Variants in ATG13 observed in about 807,000 individuals in gnomAD.
ATG13 encodes the protein autophagy-related protein 13.
Under a neutral mutation model 65.5 loss-of-function variants are expected in ATG13, and 23 were observed. The ratio of observed to expected loss-of-function variants is 0.35; its 90% confidence interval spans 0.25 to 0.50. The LOEUF is 0.50. Ranked by LOEUF, ATG13 falls within the 20% of genes least tolerant of loss-of-function variation. ATG13 has a pLI of 0.98. For synonymous variants in ATG13, 252 were observed against 245.2 expected (o/e 1.03, Z -0.26); for missense variants, 566 against 677.0 (o/e 0.84, Z 1.82).
At chr11:46,663,972 T>A in intron 11 of ATG13, 25 bp from the exon 12 acceptor site, 14 of 949,482 alleles carry the variant, frequency 1.5e-5, no homozygotes, top group Non-Finnish European at 1.9e-5. Flanking sequence ...TTGTTTCTCC[T>A]GTCTCTGTGT....
At chr11:46,649,067 T>G (rs1221894990) in intron 5 of ATG13, 70 bp from the exon 6 acceptor site, 32 of 1,365,390 alleles carry the variant, frequency 2.3e-5, no homozygotes, top group Non-Finnish European at 3.2e-5. Context: ...TTTAATATTT[T>G]TATAGTGACT....
In ATG13 at chr11:46,659,399, G is replaced by A; in HGVS notation, c.703G>A (p.Gly235Ser). Residue 235 changes from glycine to serine, a missense_variant, in exon 11 of 19, where the codon GGT (glycine) becomes AGT (serine). Coordinates refer to ENST00000683050, the MANE Select transcript of ATG13 (RefSeq NM_001346311.2). ...TCTTTCTTTTCACTTTAGAACTGCT[G>A]GTGAGGACACTGGAGTAATATACCC... The part of the protein sequence containing the change: ...PMHPCNYRTA[G>S]EDTGVIYPSV... 2 of 1,612,604 alleles carry A rather than the reference G, an allele frequency of 1.2e-6. No homozygotes were observed. The highest frequency in any genetic ancestry group is 1.7e-6 in the Non-Finnish European group (2 of 1,178,716).
intron 1 of ATG13, among the ~76,000 whole-genome samples, chr11:46,619,372 C>CTTTTTTTGTTTTTT (rs2046546096): frequency 2.8e-5 from 1 of 35,328 alleles, no homozygotes; most frequent in African/African-American, 1.3e-4. Context: ...AGATTTCTTG[C>CTTTTTTTGTTTTTT]TTTTTTTTTT....
In ATG13 at chr11:46,617,677, A is replaced by C; in HGVS notation, c.-283A>C. On this transcript the variant is annotated 5_prime_UTR_variant, in exon 1 of 19. Transcript: ENST00000683050. ...GGGAAGCACTGAAGAGCGCCAGTCGACGTGGGTGCGACAACTCGCGGAGTC... is the reference window on the plus strand; with the variant it reads ...GGGAAGCACTGAAGAGCGCCAGTCGCCGTGGGTGCGACAACTCGCGGAGTC... 2.5e-6 allele frequency: 1 copy of C among 393,452 alleles called. No homozygotes were observed. Among genetic ancestry groups the C allele is most frequent in the South Asian group, 1.4e-4 (1 of 6,990 alleles). 24.4% of individuals were successfully genotyped at this position (393,452 alleles called of 1,614,324 possible). A position where few individuals can be genotyped will look rare whatever the true frequency, so the allele number is the denominator to read the frequency against.
chr11:46,640,103 C>T (rs540374221), intron 2 of ATG13, among the ~76,000 whole-genome samples: 10 of 152,098 alleles, frequency 6.6e-5, no homozygotes, highest in African/African-American at 2.2e-4. Flanking sequence ...TCTTGGCCCC[C>T]CAAAGTACTG....
rs984042584 is a variant in ATG13, at chr11:46,668,664, T to C, written c.1329+88T>C. On this transcript the variant is annotated intron_variant, in intron 16 of 18. Transcript: ENST00000683050. ...CCAGAGTCACTAATCCCCCACAGACTATAAACCATGGCCCCTCGGCTTACG... is the reference window on the plus strand; with the variant it reads ...CCAGAGTCACTAATCCCCCACAGACCATAAACCATGGCCCCTCGGCTTACG... The C allele has an allele frequency of 1.1e-5, 17 of 1,523,510 alleles. No individual in the cohort carries two copies. The African/African-American group carries it at 2.3e-4, about 21-fold the overall frequency. 94.4% of individuals were successfully genotyped at this position (1,523,510 alleles called of 1,614,324 possible). A position where few individuals can be genotyped will look rare whatever the true frequency, so the allele number is the denominator to read the frequency against.
At chr11:46,645,288 C>G (rs571599311) in intron 3 of ATG13, 51 bp from the exon 4 acceptor site, 2 of 1,550,064 alleles carry the variant, frequency 1.3e-6, no homozygotes, top group Non-Finnish European at 1.8e-6. Flanking sequence ...CCAGATTAGT[C>G]TAAGACTTTT....
chr11:46,628,351 C>CGT (rs2050452015), intron 1 of ATG13, among the ~76,000 whole-genome samples: 1 of 151,956 alleles, frequency 6.6e-6, no homozygotes, highest in South Asian at 2.1e-4. Flanking sequence ...GCAGTGAGAT[C>CGT]GTGCCACTGC....
At chr11:46,652,081 T>C (rs1190126157) in intron 7 of ATG13, among the ~76,000 whole-genome samples, 1 of 152,008 alleles carries the variant, frequency 6.6e-6, no homozygotes, top group Non-Finnish European at 1.5e-5. Context: ...ACACTGTCTC[T>C]ACTAAAAATA....
chr11:46,626,497 G>T (rs971898068), intron 1 of ATG13, among the ~76,000 whole-genome samples: 1 of 152,216 alleles, frequency 6.6e-6, no homozygotes, highest in Non-Finnish European at 1.5e-5. Context: ...TGATCCGTCC[G>T]CCTCCGCCTC....
chr11:46,663,945 C>CT (rs953835564), intron 11 of ATG13, 52 bp from the exon 12 acceptor site: 44,941 of 760,872 alleles, frequency 0.059, 183 homozygotes, highest in East Asian at 0.064. Flanking sequence ...AGTCCCTTTT[C>CT]TTTTTTTTTT....
At chr11:46,665,662 A>G in intron 14 of ATG13, 143 bp downstream of exon 14, 1 of 1,203,406 alleles carries the variant, frequency 8.3e-7, no homozygotes. Context: ...ATGGACTCCT[A>G]GCTGGGAGTG....
intron 1 of ATG13, among the ~76,000 whole-genome samples, chr11:46,624,684 ATTG>A (rs1221181345): frequency 2.6e-5 from 4 of 152,202 alleles, no homozygotes; most frequent in Admixed American, 1.3e-4. Flanking sequence ...AGTTTCTTCA[ATTG>A]TTGTCCAGGC....
At chr11:46,643,941 G>A (rs1385425417) in intron 2 of ATG13, among the ~76,000 whole-genome samples, 1 of 152,186 alleles carries the variant, frequency 6.6e-6, no homozygotes. Context: ...ACTAATGTGT[G>A]TTCAGCAAAG....
chr11:46,619,642 C>T (rs1211209900), intron 1 of ATG13, among the ~76,000 whole-genome samples: 1 of 151,904 alleles, frequency 6.6e-6, no homozygotes, highest in East Asian at 1.9e-4. Flanking sequence ...CCCGCCTTGG[C>T]CTCCCAAAGT....
Position 46,673,328 on chromosome 11 carries a change from G to C in ATG13, c.*996G>C, listed in dbSNP as rs2134409532. ...AAGAAGAGGGCTGGCCGGGGGCAAAGTCACCTCCCAGTGTGGCTGCACTGG... is the reference window on the plus strand; with the variant it reads ...AAGAAGAGGGCTGGCCGGGGGCAAACTCACCTCCCAGTGTGGCTGCACTGG... On this transcript the variant is annotated 3_prime_UTR_variant, in exon 19 of 19. Coordinates refer to ENST00000683050, the MANE Select transcript of ATG13 (RefSeq NM_001346311.2). 1 of 152,984 alleles carries C rather than the reference G, an allele frequency of 6.5e-6. No homozygotes were observed. The highest frequency in any genetic ancestry group is 1.5e-5 in the Non-Finnish European group (1 of 68,512). 9.5% of individuals were successfully genotyped at this position (152,984 alleles called of 1,614,324 possible).
intron 12 of ATG13, 120 bp downstream of exon 12, chr11:46,664,215 A>G (rs1420825152): frequency 1.2e-6 from 1 of 825,084 alleles, no homozygotes; most frequent in Non-Finnish European, 1.8e-6. Flanking sequence ...GATTATTTTG[A>G]GGCTTGGTAA....
At chr11:46,641,113 C>G (rs1489537230) in intron 2 of ATG13, among the ~76,000 whole-genome samples, 1 of 152,212 alleles carries the variant, frequency 6.6e-6, no homozygotes, top group African/African-American at 2.4e-5. Context: ...TGCTCCATTG[C>G]CCAGGCTGGA....
Position 46,631,375 on chromosome 11 carries a change from A to C in ATG13, c.-14+1275A>C, listed in dbSNP as rs1218967805. Among the ~76,000 whole-genome samples the C allele has an allele frequency of 2.0e-5, 3 of 152,150 alleles. 1 individual carries two copies. The highest frequency in any genetic ancestry group is 1.5e-5 in the Non-Finnish European group (1 of 68,022). On this transcript the variant is annotated intron_variant, in intron 2 of 18. Transcript: ENST00000683050. ...GGCCTATTTCTTTATTTAAAATTAG[A>C]ATTTCAGTACAAAAGTAAGTAAAAG...
Sources: gnomAD v4.1 joint callset for allele counts (sites outside exome capture counted in the v4.1 genomes callset) on GRCh38, gnomAD v4.1.1 for gene constraint, MANE v1.5 for transcripts, NCBI Gene and HGNC (gene_info 2026-07-23, HGNC 2026-07-21) for gene names.